Variants in MYO16 observed in about 807,000 individuals in gnomAD.
MYO16 encodes the protein myosin XVI.
MYO16 carries 94 observed loss-of-function variants against 205.3 expected under a neutral mutation model. That is an observed-to-expected ratio of 0.46 (90% CI 0.39 to 0.54). MYO16 has a LOEUF of 0.54. Among genes scored for constraint, MYO16 ranks in the 20% least tolerant of loss-of-function variants. The pLI is 0.00. For missense variants in MYO16, 2,315 were observed against 2,387.5 expected (o/e 0.97, Z 0.63); for synonymous variants, 988 against 954.0 (o/e 1.04, Z -0.66).
chr13:108,845,361 G>A (rs147763539), intron 10 of MYO16, among the ~76,000 whole-genome samples: 23 of 152,274 alleles, frequency 1.5e-4, no homozygotes, highest in South Asian at 6.2e-4. Context: ...CAACAGAAAT[G>A]CATTTCTCAC....
At chr13:109,203,871 T>A (rs1880496945) in intron 34 of MYO16, among the ~76,000 whole-genome samples, 1 of 152,206 alleles carries the variant, frequency 6.6e-6, no homozygotes, top group Admixed American at 6.5e-5. Context: ...AACAGCTAAA[T>A]GAGTGTCCCC....
intron 28 of MYO16, among the ~76,000 whole-genome samples, chr13:109,107,669 G>A (rs1889158482): frequency 6.6e-6 from 1 of 151,726 alleles, no homozygotes; most frequent in Non-Finnish European, 1.5e-5. Flanking sequence ...TTACAAGCTA[G>A]AAAATAGCCT....
intron 16 of MYO16, among the ~76,000 whole-genome samples, chr13:108,948,586 T>G (rs72654045): frequency 0.046 from 6,986 of 152,330 alleles, 308 homozygotes; most frequent in Admixed American, 0.13. Flanking sequence ...GCCTTTGAAG[T>G]TCCATGGGGA....
intron 9 of MYO16, among the ~76,000 whole-genome samples, chr13:108,835,583 G>A (rs559795527): frequency 2.0e-5 from 3 of 152,268 alleles, no homozygotes; most frequent in African/African-American, 7.2e-5. Context: ...AGTTTGAAGG[G>A]CTGAGAAGAA....
At chr13:108,623,681 C>T (rs952239296) in intron 1 of MYO16, among the ~76,000 whole-genome samples, 2 of 152,132 alleles carry the variant, frequency 1.3e-5, no homozygotes, top group Non-Finnish European at 2.9e-5. Flanking sequence ...ATGTCATGCA[C>T]CAGAAAATGC....
chr13:108,613,966 G>T (rs549704983), intron 1 of MYO16, among the ~76,000 whole-genome samples: 1 of 152,196 alleles, frequency 6.6e-6, no homozygotes, highest in South Asian at 2.1e-4. Flanking sequence ...ATAATGTACT[G>T]AATGTTCTAG....
intron 20 of MYO16, among the ~76,000 whole-genome samples, chr13:108,984,682 A>G (rs1306860665): frequency 6.6e-6 from 1 of 151,902 alleles, no homozygotes; most frequent in East Asian, 1.9e-4. Context: ...TTTCCTTACA[A>G]TTTTCCTGAG....
intron 7 of MYO16, among the ~76,000 whole-genome samples, chr13:108,814,204 A>G (rs752855275): frequency 1.3e-5 from 2 of 152,212 alleles, no homozygotes; most frequent in Non-Finnish European, 2.9e-5. Flanking sequence ...AATTGAATTT[A>G]GTAATGCAAC....
intron 3 of MYO16, among the ~76,000 whole-genome samples, chr13:108,718,863 C>T (rs1594237923): frequency 6.6e-6 from 1 of 152,194 alleles, no homozygotes; most frequent in East Asian, 1.9e-4. Flanking sequence ...AGAATCGTAA[C>T]CTTGACCTGC....
At chr13:108,760,474 T>G (rs111384162) in intron 4 of MYO16, among the ~76,000 whole-genome samples, 38 of 48,898 alleles carry the variant, frequency 7.8e-4, no homozygotes, top group African/African-American at 1.7e-3. Context: ...TAACTTAGGG[T>G]TTTTTTTTTT....
intron 4 of MYO16, among the ~76,000 whole-genome samples, chr13:108,769,254 AT>A (rs763710418): frequency 1.3e-5 from 2 of 152,206 alleles, no homozygotes; most frequent in African/African-American, 2.4e-5. Context: ...GGAACAAGCA[AT>A]TCCAAGACAC....
intron 20 of MYO16, among the ~76,000 whole-genome samples, chr13:108,971,936 C>T (rs1475036523): frequency 6.6e-6 from 1 of 151,586 alleles, no homozygotes; most frequent in African/African-American, 2.4e-5. Flanking sequence ...CGTGGTGGCT[C>T]ATGCCTGTAA....
intron 2 of MYO16, among the ~76,000 whole-genome samples, chr13:108,694,663 T>A (rs1446286525): frequency 6.6e-6 from 1 of 152,220 alleles, no homozygotes; most frequent in Non-Finnish European, 1.5e-5. Flanking sequence ...TTCTGTGGGT[T>A]TTTAACATTC....
the MYO16 span, among the ~76,000 whole-genome samples, chr13:108,582,239 T>C: frequency 6.6e-6 from 1 of 152,180 alleles, no homozygotes; most frequent in Non-Finnish European, 1.5e-5. Flanking sequence ...TAATGAGAGT[T>C]CTGTGAAAGT....
At chr13:108,715,285 G>A (rs770976957) in intron 3 of MYO16, among the ~76,000 whole-genome samples, 6 of 152,160 alleles carry the variant, frequency 3.9e-5, no homozygotes, top group Non-Finnish European at 7.4e-5. Flanking sequence ...CTTGCTGTGG[G>A]TCTCTGCTCA....
chr13:108,682,945 T>A (rs941399325), intron 2 of MYO16, among the ~76,000 whole-genome samples: 1 of 152,140 alleles, frequency 6.6e-6, no homozygotes, highest in Non-Finnish European at 1.5e-5. Context: ...CCTTATGAAA[T>A]GTAAGATAGA....
At chr13:108,868,120 C>A (rs899397269) in intron 12 of MYO16, among the ~76,000 whole-genome samples, 5 of 147,374 alleles carry the variant, frequency 3.4e-5, no homozygotes, top group Admixed American at 2.7e-4. Context: ...CTATGAACAT[C>A]CTCACAATTT....
chr13:108,898,109 G>A lies in MYO16; in HGVS notation c.1753G>A (p.Glu585Lys). The A allele has an allele frequency of 6.2e-7, 1 of 1,612,912 alleles. No individual in the cohort carries two copies. Among genetic ancestry groups the A allele is most frequent in the Non-Finnish European group, 8.5e-7 (1 of 1,178,914 alleles). Residue 585 changes from glutamate to lysine, a missense_variant, in exon 15 of 35, where the codon GAG (glutamate) becomes AAG (lysine). This residue lies in a region of MYO16 where 1,213 missense variants were observed against 1,274.4 expected (regional missense o/e 0.95). Coordinates refer to ENST00000457511, the MANE Select transcript of MYO16 (RefSeq NM_001198950.3). ...CAAGTATTTTGAACTGCAGTTCTGT[G>A]AGAGGAAACAACAGCTAACCGGAGG... ...FIKYFELQFCERKQQLTGARI... is the reference protein window; with the variant it reads ...FIKYFELQFCKRKQQLTGARI...
chr13:108,586,172 T>C, the MYO16 span, among the ~76,000 whole-genome samples: 10 of 151,782 alleles, frequency 6.6e-5, no homozygotes, highest in Non-Finnish European at 1.3e-4. Context: ...GTATCCCAGA[T>C]AAAAAAAGAA....
Sources: allele counts gnomAD v4.1 joint callset (sites outside exome capture counted in the v4.1 genomes callset), GRCh38; gene constraint gnomAD v4.1.1; regional missense constraint gnomAD v4.1.1; transcripts MANE v1.5; gene names NCBI Gene and HGNC (gene_info 2026-07-23, HGNC 2026-07-21).